The following LIX1 variants were observed in gnomAD, a reference collection of about 807,000 sequenced individuals.
LIX1 encodes the protein protein limb expression 1 homolog.
In LIX1, 24 loss-of-function variants were observed where a neutral mutation model predicts 33.4. The observed-to-expected ratio is 0.72, with a 90% confidence interval of 0.52 to 1.01. The LOEUF is 1.01. Ranked by LOEUF, LIX1 falls within the 50% of genes least tolerant of loss-of-function variation. LIX1 has a pLI of 0.00. For missense variants in LIX1, 311 were observed against 339.2 expected, an observed-to-expected ratio of 0.92 and a Z score of 0.65; for synonymous variants, 124 against 124.0, an observed-to-expected ratio of 1.00 and a Z score of 0.00.
chr5:97,112,483 AT>A (rs1351792725), intron 2 of LIX1, among the ~76,000 whole-genome samples: 2 of 152,134 alleles, frequency 1.3e-5, no homozygotes, highest in African/African-American at 4.8e-5. Flanking sequence ...CATTCTTGCT[AT>A]TTTTTAGCCA....
chr5:97,110,539 G>A (rs1747330048), intron 2 of LIX1, among the ~76,000 whole-genome samples: 1 of 152,110 alleles, frequency 6.6e-6, no homozygotes, highest in Non-Finnish European at 1.5e-5. Flanking sequence ...ACGCCTCCTG[G>A]GTTCAAGCAA....
chr5:97,094,407 G>T lies in LIX1; in HGVS notation c.*341C>A, dbSNP rs556975396. 11 of 242,684 alleles carry T rather than the reference G, an allele frequency of 4.5e-5. No individual in the cohort carries two copies. The highest frequency in any genetic ancestry group is 2.4e-4 in the African/African-American group (11 of 44,946). 15.0% of individuals were successfully genotyped at this position (242,684 alleles called of 1,614,324 possible). A position where few individuals can be genotyped will look rare whatever the true frequency, so the allele number is the denominator to read the frequency against. ...TGTTCATTTGGGGAATGCTATATTG[G>T]ACTATTCTTGAAACAATATATATAA... On this transcript the variant is annotated 3_prime_UTR_variant, in exon 6 of 6. Coordinates refer to ENST00000274382, the MANE Select transcript of LIX1 (RefSeq NM_153234.5).
chr5:97,141,488 T>C (rs1403256851), intron 1 of LIX1, among the ~76,000 whole-genome samples: 1 of 152,224 alleles, frequency 6.6e-6, no homozygotes, highest in African/African-American at 2.4e-5. Flanking sequence ...TAGAATTAAA[T>C]GGCCTAACAT....
chr5:97,102,051 T>C (rs1161928411), intron 4 of LIX1: 1 of 151,990 alleles, frequency 6.6e-6, no homozygotes, highest in Non-Finnish European at 1.5e-5. Context: ...GCTCCGAACC[T>C]TCCCCACCAA....
intron 4 of LIX1, among the ~76,000 whole-genome samples, chr5:97,098,118 T>C (rs1311451119): frequency 1.3e-5 from 2 of 152,230 alleles, no homozygotes; most frequent in Non-Finnish European, 2.9e-5. Flanking sequence ...ACTAAATTTA[T>C]TGTAATTTTG....
rs1056257811 is a variant in LIX1 at position 97,094,507 on chromosome 5, G to C, written c.*241C>G. 7.7e-5 allele frequency: 38 copies of C among 492,214 alleles called. No homozygotes were observed. Among genetic ancestry groups the C allele is most frequent in the Middle Eastern group, 1.1e-3 (2 of 1,884 alleles). The allele number at this position is 492,214 out of a possible 1,614,324, so 30.5% of individuals were successfully genotyped here. A position where few individuals can be genotyped will look rare whatever the true frequency, so the allele number is the denominator to read the frequency against. ...GAAAATGTTTTTCAAACAATTTTGTGTCTATCCTTTCATCCTGAGCTGGAA... is the reference window on the plus strand; with the variant it reads ...GAAAATGTTTTTCAAACAATTTTGTCTCTATCCTTTCATCCTGAGCTGGAA... On this transcript the variant is annotated 3_prime_UTR_variant, in exon 6 of 6. Transcript: ENST00000274382.
intron 4 of LIX1, among the ~76,000 whole-genome samples, chr5:97,100,537 C>T (rs1252872119): frequency 6.6e-6 from 1 of 152,138 alleles, no homozygotes; most frequent in Non-Finnish European, 1.5e-5. Context: ...TTTTGTCTCA[C>T]TTCTTTATTT....
At chr5:97,128,221 T>G (rs1420511222) in intron 1 of LIX1, among the ~76,000 whole-genome samples, 3 of 152,240 alleles carry the variant, frequency 2.0e-5, no homozygotes, top group African/African-American at 2.4e-5. Context: ...CTCTAAATTA[T>G]TCCACTGAAA....
intron 3 of LIX1, 103 bp from the exon 4 acceptor site, chr5:97,105,388 C>T (rs549798228): frequency 6.6e-5 from 56 of 853,856 alleles, no homozygotes; most frequent in Non-Finnish European, 9.8e-5. Flanking sequence ...TATTTTTGGT[C>T]TAACCTGAAC....
intron 2 of LIX1, among the ~76,000 whole-genome samples, chr5:97,116,494 C>T (rs1747639718): frequency 6.6e-6 from 1 of 151,988 alleles, no homozygotes; most frequent in African/African-American, 2.4e-5. Context: ...CAGTTCCTGT[C>T]AACTGAAAGA....
chr5:97,110,247 G>T (rs1365549406), intron 2 of LIX1, among the ~76,000 whole-genome samples: 1 of 152,126 alleles, frequency 6.6e-6, no homozygotes, highest in African/African-American at 2.4e-5. Context: ...GTGTGTTGAT[G>T]AAATAATTAC....
chr5:97,096,176 T>G (rs1580195771), intron 5 of LIX1, among the ~76,000 whole-genome samples: 1 of 152,056 alleles, frequency 6.6e-6, no homozygotes, highest in African/African-American at 2.4e-5. Context: ...GAACAACAGG[T>G]GAAAACCATT....
intron 1 of LIX1, among the ~76,000 whole-genome samples, chr5:97,134,276 C>T (rs556713471): frequency 2.0e-5 from 3 of 152,306 alleles, no homozygotes; most frequent in East Asian, 1.9e-4. Flanking sequence ...CCTGCCACCA[C>T]GCCCAGCTAA....
chr5:97,117,335 G>T lies in LIX1; in HGVS notation c.246+7131C>A, dbSNP rs148943821. On this transcript the variant is annotated intron_variant, in intron 2 of 5. Transcript: ENST00000274382. ...TGGATAATTTCAAATAGAAATACTA[G>T]GCATTAAAACAGCATTAGTGCTGGG... Among the ~76,000 whole-genome samples, 539 of 152,268 alleles carry T rather than the reference G, an allele frequency of 3.5e-3. 1 individual carries two copies. Among genetic ancestry groups the T allele is most frequent in the South Asian group, 4.8e-3 (23 of 4,832 alleles).
intron 4 of LIX1, among the ~76,000 whole-genome samples, chr5:97,098,095 G>T (rs1746489461): frequency 6.6e-6 from 1 of 152,160 alleles, no homozygotes; most frequent in African/African-American, 2.4e-5. Context: ...GTAAAAGTCA[G>T]CTAGATCGTT....
At chr5:97,112,318 G>A (rs1350159099) in intron 2 of LIX1, among the ~76,000 whole-genome samples, 2 of 152,280 alleles carry the variant, frequency 1.3e-5, no homozygotes, top group Middle Eastern at 3.4e-3. Context: ...CAAACAGTGG[G>A]AAACACTGTA....
intron 2 of LIX1, among the ~76,000 whole-genome samples, chr5:97,120,703 A>T (rs1226181197): frequency 2.6e-5 from 4 of 152,176 alleles, no homozygotes; most frequent in Non-Finnish European, 4.4e-5. Context: ...GTGTCAGAAG[A>T]GGAAATCGGG....
At chr5:97,129,176 A>G (rs1163786017) in intron 1 of LIX1, among the ~76,000 whole-genome samples, 1 of 152,046 alleles carries the variant, frequency 6.6e-6, no homozygotes, top group African/African-American at 2.4e-5. Context: ...CCTTCTTTCC[A>G]CTGTCTATTG....
At chr5:97,141,292 A>G (rs1748281838) in intron 1 of LIX1, among the ~76,000 whole-genome samples, 1 of 152,166 alleles carries the variant, frequency 6.6e-6, no homozygotes, top group South Asian at 2.1e-4. Flanking sequence ...CGCTTAAAAA[A>G]CATAACAAAC....
Sources: allele counts gnomAD v4.1 joint callset (sites outside exome capture counted in the v4.1 genomes callset), GRCh38; gene constraint gnomAD v4.1.1; transcripts MANE v1.5; gene names NCBI Gene and HGNC (gene_info 2026-07-23, HGNC 2026-07-21).